Variants in NOL4L observed in about 807,000 individuals in gnomAD.
NOL4L encodes the protein nucleolar protein 4-like.
A neutral mutation model predicts 64.5 loss-of-function variants in NOL4L; 7 were observed. The observed-to-expected ratio is 0.11, with a 90% CI of 0.06 to 0.20. The LOEUF (loss-of-function observed/expected upper bound fraction) is 0.20, where lower values mean the gene tolerates loss of function less well. NOL4L is among the 10% of genes least tolerant of loss of function. NOL4L has a pLI of 1.00. For synonymous variants in NOL4L, 413 were observed against 401.0 expected, an observed-to-expected ratio of 1.03 and a Z score of -0.36; for missense variants, 680 against 967.1, an observed-to-expected ratio of 0.70 and a Z score of 3.94.
At chr20:32,497,737 G>A (rs971011927) in intron 4 of NOL4L, among the ~76,000 whole-genome samples, 1 of 152,182 alleles carries the variant, frequency 6.6e-6, no homozygotes, top group Non-Finnish European at 1.5e-5. Flanking sequence ...CTCCTTTCCT[G>A]TTAGGTCTCT....
intron 1 of NOL4L, among the ~76,000 whole-genome samples, chr20:32,529,803 C>A (rs925094249): frequency 6.6e-6 from 1 of 151,948 alleles, no homozygotes; most frequent in African/African-American, 2.4e-5. Context: ...TAGCACATAT[C>A]TCTCTCTCTC....
intron 3 of NOL4L, among the ~76,000 whole-genome samples, chr20:32,512,694 G>A (rs2017462259): frequency 6.6e-6 from 1 of 151,278 alleles, no homozygotes; most frequent in Non-Finnish European, 1.5e-5. Flanking sequence ...CTTTTAAAAA[G>A]TTTTTTTTTC....
intron 3 of NOL4L, among the ~76,000 whole-genome samples, chr20:32,515,570 G>A (rs965491015): frequency 6.6e-6 from 1 of 151,206 alleles, no homozygotes; most frequent in African/African-American, 2.4e-5. Context: ...CGGAGCAGGG[G>A]CCAGTGGAAG....
intron 1 of NOL4L, among the ~76,000 whole-genome samples, chr20:32,546,530 G>C (rs2018735973): frequency 6.6e-6 from 1 of 151,998 alleles, no homozygotes; most frequent in African/African-American, 2.4e-5. Context: ...GCAACCTCCA[G>C]CTCCTAGGTT....
At chr20:32,523,568 T>C (rs1484062403) in intron 2 of NOL4L, among the ~76,000 whole-genome samples, 1 of 152,080 alleles carries the variant, frequency 6.6e-6, no homozygotes, top group African/African-American at 2.4e-5. Context: ...GTTAATAGGA[T>C]GGTGGTTTTC....
At chr20:32,568,468 C>T (rs1487363772) in intron 1 of NOL4L, among the ~76,000 whole-genome samples, 1 of 152,030 alleles carries the variant, frequency 6.6e-6, no homozygotes, top group African/African-American at 2.4e-5. Flanking sequence ...CTACAGCCTC[C>T]CTGGACCTCA....
In NOL4L at chr20:32,511,532, G is replaced by A. The variant is rs117954270; in HGVS notation, c.590-76C>T. 966 of 1,052,328 alleles carry A rather than the reference G, an allele frequency of 9.2e-4. 15 individuals are homozygous for A. In the East Asian group the frequency reaches 0.023, roughly 25 times the overall value. 65.2% of individuals were successfully genotyped at this position (1,052,328 alleles called of 1,614,324 possible). On this transcript the variant is annotated intron_variant, in intron 3 of 10. Coordinates refer to ENST00000621426, the MANE Select transcript of NOL4L (RefSeq NM_001256798.2). Reference sequence around the variant, plus strand: ...TTGCCCACATGGAGCATTTAACAGAGCCCGTGGAAGAGGAAGCCACCTTGG... The same window carrying A: ...TTGCCCACATGGAGCATTTAACAGAACCCGTGGAAGAGGAAGCCACCTTGG...
Position 32,516,792 on chromosome 20 carries a change from C to T in NOL4L, c.589+4019G>A, listed in dbSNP as rs146446513. 7.6e-3 allele frequency among the ~76,000 whole-genome samples: 1,162 copies of T among 152,318 alleles called. 10 individuals carry two copies. Among genetic ancestry groups the T allele is most frequent in the Non-Finnish European group, 0.012 (809 of 68,036 alleles). On this transcript the variant is annotated intron_variant, in intron 3 of 10. Transcript: ENST00000621426. Reference sequence around the variant, plus strand: ...CAGGCATGGAGGGCCTTGGAAACCACGCAGAGGAGTCTGGGCCTGGTTGTG... The same window carrying T: ...CAGGCATGGAGGGCCTTGGAAACCATGCAGAGGAGTCTGGGCCTGGTTGTG...
intron 4 of NOL4L, among the ~76,000 whole-genome samples, chr20:32,477,356 C>T (rs561214936): frequency 5.3e-5 from 8 of 152,216 alleles, no homozygotes; most frequent in Non-Finnish European, 1.0e-4. Context: ...TCTGTGCAAT[C>T]GCCAAGGACT....
intron 10 of NOL4L, among the ~76,000 whole-genome samples, chr20:32,448,466 C>T (rs916009155): frequency 6.6e-6 from 1 of 152,186 alleles, no homozygotes; most frequent in Non-Finnish European, 1.5e-5. Context: ...GCCAGACTGG[C>T]CAGGCCATAA....
intron 1 of NOL4L, among the ~76,000 whole-genome samples, chr20:32,561,576 C>A (rs1189824241): frequency 6.6e-6 from 1 of 152,038 alleles, no homozygotes; most frequent in Non-Finnish European, 1.5e-5. Context: ...TGCCGGTGGC[C>A]CTGAGAGGGG....
At chr20:32,528,167 G>T (rs1043037473) in intron 1 of NOL4L, among the ~76,000 whole-genome samples, 5 of 152,212 alleles carry the variant, frequency 3.3e-5, no homozygotes, top group Non-Finnish European at 5.9e-5. Flanking sequence ...AAACCAAGAG[G>T]CTCCATGTTC....
At chr20:32,568,269 C>G (rs1175754055) in intron 1 of NOL4L, among the ~76,000 whole-genome samples, 1 of 152,190 alleles carries the variant, frequency 6.6e-6, no homozygotes, top group Non-Finnish European at 1.5e-5. Context: ...CTATGGGTCT[C>G]AACAGTGCAC....
chr20:32,547,964 C>T (rs2145602958), intron 1 of NOL4L, among the ~76,000 whole-genome samples: 1 of 152,292 alleles, frequency 6.6e-6, no homozygotes, highest in African/African-American at 2.4e-5. Flanking sequence ...CAAATGTCCT[C>T]TCTCTCCCCA....
chr20:32,477,101 G>C (rs2015443506), intron 4 of NOL4L, among the ~76,000 whole-genome samples: 1 of 152,204 alleles, frequency 6.6e-6, no homozygotes, highest in Non-Finnish European at 1.5e-5. Flanking sequence ...CTAGGTTGGA[G>C]AAAGGCTCTT....
chr20:32,529,398 T>C (rs999028360), intron 1 of NOL4L, among the ~76,000 whole-genome samples: 25 of 152,084 alleles, frequency 1.6e-4, no homozygotes, highest in African/African-American at 6.0e-4. Flanking sequence ...CCTCGGAGGT[T>C]GTTAGGGTCA....
At chr20:32,543,263 C>T (rs2018683970) in intron 1 of NOL4L, among the ~76,000 whole-genome samples, 1 of 152,120 alleles carries the variant, frequency 6.6e-6, no homozygotes, top group South Asian at 2.1e-4. Flanking sequence ...GCACTTCTGC[C>T]ACCAGAAAGG....
intron 4 of NOL4L, among the ~76,000 whole-genome samples, chr20:32,500,788 CA>C (rs2016893584): frequency 5.9e-5 from 9 of 151,888 alleles, no homozygotes; most frequent in Admixed American, 5.9e-4. Context: ...TGAGGTATGG[CA>C]AAAGAGCACA....
In NOL4L at chr20:32,460,126, G is replaced by A. The variant is rs1377696247; in HGVS notation, c.842-3731C>T. Among the ~76,000 whole-genome samples the A allele has an allele frequency of 6.6e-6, 1 of 152,182 alleles. No individual in the cohort carries two copies. Among genetic ancestry groups the A allele is most frequent in the East Asian group, 1.9e-4 (1 of 5,196 alleles). On this transcript the variant is annotated intron_variant, in intron 5 of 10. Coordinates refer to ENST00000621426, the MANE Select transcript of NOL4L (RefSeq NM_001256798.2). This position sits in a 1 kb window ranked among gnomAD's most constrained non-coding sequence, Gnocchi z 5.7. ...TTAAAGGGTGCAGAGTTTCTGTTGG[G>A]GGATGAACAAGCTGTGGAAATAACA...
Sources: gnomAD v4.1 joint callset for allele counts (sites outside exome capture counted in the v4.1 genomes callset) on GRCh38, gnomAD v4.1.1 for gene constraint, Gnocchi (gnomAD v3.1) non-coding constraint, MANE v1.5 for transcripts, NCBI Gene and HGNC (gene_info 2026-07-23, HGNC 2026-07-21) for gene names.